Variants in NRG4 observed in about 807,000 individuals in gnomAD.
NRG4 encodes the protein neuregulin 4, also known as pro-neuregulin-4, membrane-bound isoform.
A neutral mutation model predicts 15.0 loss-of-function variants in NRG4; 10 were observed. The ratio of observed to expected loss-of-function variants is 0.67; its 90% CI spans 0.41 to 1.13. The LOEUF (loss-of-function observed/expected upper bound fraction) is 1.13. NRG4 is among the 50% of genes most tolerant of loss of function. The pLI, the probability that NRG4 is intolerant of heterozygous loss-of-function variation, is 0.00. For synonymous variants in NRG4, 41 were observed against 50.1 expected (o/e 0.82, Z 0.77); for missense variants, 139 against 140.2 (o/e 0.99, Z 0.04).
chr15:75,960,952 C>A (rs1175784685), intron 4 of NRG4, among the ~76,000 whole-genome samples: 1 of 152,072 alleles, frequency 6.6e-6, no homozygotes, highest in Non-Finnish European at 1.5e-5. Flanking sequence ...AGCCAATTTC[C>A]TCCAATTTTT....
intron 3 of NRG4, among the ~76,000 whole-genome samples, chr15:75,987,911 G>A (rs1180099580): frequency 6.6e-6 from 1 of 152,146 alleles, no homozygotes; most frequent in Non-Finnish European, 1.5e-5. Flanking sequence ...AGGTACACAT[G>A]AATTTTCGAT....
chr15:75,942,520 C>T lies in NRG4; in HGVS notation c.*1118G>A, dbSNP rs1009994472. On this transcript the variant is annotated 3_prime_UTR_variant, in exon 6 of 6. Transcript: ENST00000394907. ...AAAGTCTATTAAAATTATGTGAGAG[C>T]TTTTCATTTTGTGTACTCTGTCTCA... is the stretch of plus-strand genomic sequence containing the variant. 1.3e-5 allele frequency: 2 copies of T among 152,120 alleles called. No individual in the cohort carries two copies. Among genetic ancestry groups the T allele is most frequent in the African/African-American group, 4.8e-5 (2 of 41,414 alleles). 9.4% of individuals were successfully genotyped at this position (152,120 alleles called of 1,614,324 possible). A position where few individuals can be genotyped will look rare whatever the true frequency, so the allele number is the denominator to read the frequency against.
chr15:75,987,382 A>G (rs2033835081), intron 3 of NRG4, among the ~76,000 whole-genome samples: 1 of 152,234 alleles, frequency 6.6e-6, no homozygotes, highest in East Asian at 1.9e-4. Context: ...TAACTTGATT[A>G]GAATTATTCC....
intron 3 of NRG4, among the ~76,000 whole-genome samples, chr15:75,979,078 T>A (rs2033492250): frequency 6.6e-6 from 1 of 152,324 alleles, no homozygotes; most frequent in Middle Eastern, 3.4e-3. Context: ...AGGTTGTCTC[T>A]TCACTCTGTT....
intron 5 of NRG4, among the ~76,000 whole-genome samples, chr15:76,034,197 ATCTATC>A (rs1389089351): frequency 6.6e-6 from 1 of 152,250 alleles, no homozygotes; most frequent in African/African-American, 2.4e-5. Context: ...AAGATAAGAT[ATCTATC>A]TCTAAGCCAT....
At chr15:75,952,612 T>C (rs2031976824) in intron 5 of NRG4, among the ~76,000 whole-genome samples, 2 of 151,390 alleles carry the variant, frequency 1.3e-5, no homozygotes, top group East Asian at 3.9e-4. Flanking sequence ...TTTTAAGAGA[T>C]GGGGTCTTGC....
intron 4 of NRG4, among the ~76,000 whole-genome samples, chr15:76,040,965 C>A (rs1214235455): frequency 6.6e-6 from 1 of 152,100 alleles, no homozygotes; most frequent in African/African-American, 2.4e-5. Context: ...CTTTTCAAAA[C>A]ATAGACAGAA....
intron 3 of NRG4, among the ~76,000 whole-genome samples, chr15:75,967,210 AAC>A (rs2032842445): frequency 6.6e-6 from 1 of 151,902 alleles, no homozygotes; most frequent in South Asian, 2.1e-4. Flanking sequence ...TAGGCCGAGA[AAC>A]AGTGAGAGAA....
intron 3 of NRG4, among the ~76,000 whole-genome samples, chr15:75,988,643 G>A (rs2033890610): frequency 1.3e-5 from 2 of 152,068 alleles, no homozygotes; most frequent in African/African-American, 2.4e-5. Context: ...ATGTCACACT[G>A]GATATTAACT....
In NRG4 at chr15:76,036,321, T is replaced by C. The variant is rs2035597160; in HGVS notation, c.-104-330A>G. On this transcript the variant is annotated intron_variant, in intron 4 of 8. Transcript: ENST00000563910. ...GTAAAATGTTTAAGCAATAAATTTT[T>C]ATTCCATGTAGCAGCTCACAAAAGC... Among the ~76,000 whole-genome samples, 3 of 152,248 alleles carry C rather than the reference T, an allele frequency of 2.0e-5. No individual in the cohort carries two copies. The South Asian group carries it at 6.2e-4, about 31-fold the overall frequency.
chr15:76,017,440 G>A (rs918237797), intron 5 of NRG4, among the ~76,000 whole-genome samples: 2 of 152,028 alleles, frequency 1.3e-5, no homozygotes, highest in African/African-American at 2.4e-5. Context: ...AGTGTCGATG[G>A]TCTTTACAAT....
rs912550106 is a variant in NRG4, at chr15:76,046,854, A to T, written c.-105+5213T>A. On this transcript the variant is annotated intron_variant, in intron 4 of 8. Transcript: ENST00000563910. The stretch of plus-strand genomic sequence containing the variant: ...GCTTCTGCACAAGGACACAATCAAC[A>T]AATTGAAGAGACAGCCCACAGAATG... Among the ~76,000 whole-genome samples, 8 of 151,030 alleles carry T rather than the reference A, an allele frequency of 5.3e-5. 1 individual carries two copies. Among genetic ancestry groups the T allele is most frequent in the African/African-American group, 1.5e-4 (6 of 40,502 alleles).
intron 2 of NRG4, among the ~76,000 whole-genome samples, chr15:76,010,359 A>G (rs2034764804): frequency 6.6e-6 from 1 of 152,146 alleles, no homozygotes; most frequent in Admixed American, 6.6e-5. Flanking sequence ...CTGGGACTCC[A>G]ATTTGACATT....
At chr15:76,001,449 A>G (rs148864834) in intron 3 of NRG4, among the ~76,000 whole-genome samples, 62 of 152,328 alleles carry the variant, frequency 4.1e-4, no homozygotes, top group African/African-American at 1.4e-3. Flanking sequence ...TTAAGTCTTC[A>G]AAATTTAAGG....
intron 4 of NRG4, among the ~76,000 whole-genome samples, chr15:76,051,235 GA>G (rs2036005342): frequency 6.7e-6 from 1 of 149,508 alleles, no homozygotes; most frequent in Admixed American, 6.6e-5. Context: ...TCGATCTCCT[GA>G]CCTCGTGATC....
Position 75,961,846 on chromosome 15 carries a change from G to C in NRG4, c.233C>G (p.Ala78Gly), listed in dbSNP as rs780037230. 1 of 1,612,744 alleles carries C rather than the reference G, an allele frequency of 6.2e-7. No individual in the cohort carries two copies. Among genetic ancestry groups the C allele is most frequent in the Admixed American group, 1.7e-5 (1 of 59,894 alleles). ...TACTTACCTGCAAAGGAAGTAGAAG[G>C]CTCCAATGATAAGTGTTACTAGGAC... ...LAVLVTLIIGAFYFLCRKGHF... is the reference protein window; with the variant it reads ...LAVLVTLIIGGFYFLCRKGHF... Residue 78 changes from alanine (A) to glycine (G), a missense_variant, in exon 4 of 6, where the codon GCC becomes GGC. By Grantham distance (60) the Ala-to-Gly change is moderately conservative. Coordinates refer to ENST00000394907, the MANE Select transcript of NRG4 (RefSeq NM_138573.4).
intron 3 of NRG4, among the ~76,000 whole-genome samples, chr15:75,991,316 T>C (rs1260115141): frequency 1.3e-5 from 2 of 152,192 alleles, no homozygotes; most frequent in African/African-American, 4.8e-5. Context: ...CACTGAAATT[T>C]GAATTTTATA....
At chr15:76,048,965 A>G (rs990510892) in intron 4 of NRG4, among the ~76,000 whole-genome samples, 1 of 150,446 alleles carries the variant, frequency 6.6e-6, no homozygotes. Context: ...GAATGGCTTG[A>G]ACTCAGGAGG....
chr15:75,959,341 T>C (rs370178028), intron 4 of NRG4, among the ~76,000 whole-genome samples: 1 of 149,360 alleles, frequency 6.7e-6, no homozygotes, highest in African/African-American at 2.6e-5. Flanking sequence ...GCAGATATTC[T>C]TATAAATCCT....
Sources: gnomAD v4.1 joint callset for allele counts (sites outside exome capture counted in the v4.1 genomes callset) on GRCh38, gnomAD v4.1.1 for gene constraint, MANE v1.5 for transcripts, NCBI Gene and HGNC (gene_info 2026-07-23, HGNC 2026-07-21) for gene names.